Variants in PTCD3 observed in about 807,000 individuals in gnomAD.
PTCD3 encodes pentatricopeptide repeat domain 3, also known as small ribosomal subunit protein mS39.
Under a neutral mutation model 101.9 loss-of-function variants are expected in PTCD3, and 89 were observed. The observed-to-expected ratio is 0.87, with a 90% confidence interval of 0.74 to 1.04. PTCD3 has a LOEUF of 1.04. Ranked by LOEUF, PTCD3 falls within the 50% of genes least tolerant of loss-of-function variation. The pLI, the probability that PTCD3 is intolerant of heterozygous loss-of-function variation, is 0.00. For synonymous variants in PTCD3, 296 were observed against 278.5 expected (o/e 1.06, Z -0.63); for missense variants, 870 against 828.2 (o/e 1.05, Z -0.62).
chr2:86,120,788 G>A (rs145725104), intron 7 of PTCD3, among the ~76,000 whole-genome samples: 24 of 152,228 alleles, frequency 1.6e-4, no homozygotes, highest in East Asian at 1.2e-3. Flanking sequence ...ACAGCTGCTC[G>A]GAAGGCTGAG....
Position 86,125,678 on chromosome 2 carries a change from C to T in PTCD3, c.866-117C>T, listed in dbSNP as rs890766077. ...AGATCCAGAGAGGAGAGTAGTTTTC[C>T]AGTTTTGTGGACATGTGATTAGTCA... On this transcript the variant is annotated intron_variant, in intron 11 of 23. Coordinates refer to ENST00000254630, the MANE Select transcript of PTCD3 (RefSeq NM_017952.6). The T allele has an allele frequency of 1.6e-5, 17 of 1,054,874 alleles. No homozygotes were observed. In the Admixed American group the frequency reaches 3.7e-4, roughly 23 times the overall value. 65.3% of individuals were successfully genotyped at this position (1,054,874 alleles called of 1,614,324 possible). A position where few individuals can be genotyped will look rare whatever the true frequency, so the allele number is the denominator to read the frequency against.
intron 17 of PTCD3, 22 bp downstream of exon 17, chr2:86,132,446 C>G (rs776917840): frequency 2.7e-5 from 41 of 1,510,414 alleles, no homozygotes; most frequent in Non-Finnish European, 3.6e-5. Flanking sequence ...GGAAACATAT[C>G]CTTTTGCATG....
chr2:86,127,474 C>A, intron 13 of PTCD3, 169 bp downstream of exon 13: 1 of 695,048 alleles, frequency 1.4e-6, no homozygotes, highest in South Asian at 2.2e-5. Context: ...AGTGGGAGTG[C>A]CTTTATCATC....
intron 4 of PTCD3, among the ~76,000 whole-genome samples, chr2:86,114,564 G>A (rs1674147715): frequency 6.6e-6 from 1 of 152,196 alleles, no homozygotes; most frequent in South Asian, 2.1e-4. Flanking sequence ...GAATGGGAAA[G>A]CTTTCCACTT....
chr2:86,135,980 T>A (rs758884529), intron 21 of PTCD3: 3 of 519,218 alleles, frequency 5.8e-6, no homozygotes. Context: ...AGCACTTACA[T>A]GAGACTGTTG....
intron 4 of PTCD3, among the ~76,000 whole-genome samples, chr2:86,112,681 CAAA>C (rs397953846): frequency 2.5e-4 from 20 of 81,274 alleles, no homozygotes; most frequent in Admixed American, 4.0e-4. Context: ...GACTCTGTCT[CAAA>C]AAAAAAAAAA....
At chr2:86,109,453 A>G (rs971531496) in intron 3 of PTCD3, among the ~76,000 whole-genome samples, 1 of 152,164 alleles carries the variant, frequency 6.6e-6, no homozygotes, top group Non-Finnish European at 1.5e-5. Flanking sequence ...TTTTTTAAGA[A>G]CTTTATTAAT....
chr2:86,124,155 G>C (rs945758338), intron 9 of PTCD3, among the ~76,000 whole-genome samples: 4 of 152,228 alleles, frequency 2.6e-5, no homozygotes, highest in East Asian at 3.9e-4. Flanking sequence ...TAAGACCACT[G>C]ACAACATGTA....
At chr2:86,135,088 C>A (rs1319222865) in intron 21 of PTCD3, 101 bp downstream of exon 21, 2 of 1,332,316 alleles carry the variant, frequency 1.5e-6, no homozygotes, top group Non-Finnish European at 1.0e-6. Context: ...CCACATAACA[C>A]GTATTTGATT....
chr2:86,117,131 A>G lies in PTCD3; in HGVS notation c.386A>G (p.Gln129Arg). 1 of 1,379,216 alleles carries G rather than the reference A, an allele frequency of 7.3e-7. No homozygotes were observed. The highest frequency in any genetic ancestry group is 1.0e-6 in the Non-Finnish European group (1 of 966,186). 85.4% of individuals were successfully genotyped at this position (1,379,216 alleles called of 1,614,324 possible). The stretch of plus-strand genomic sequence containing the variant: ...ATTAATTCATACCCCAAATATTTTC[A>G]GAAGGACATAGCTGAACCTCATATA... Reference protein sequence around the residue: ...FIINSYPKYFQKDIAEPHIPC... With the variant: ...FIINSYPKYFRKDIAEPHIPC... Residue 129 changes from glutamine to arginine, a missense_variant, in exon 6 of 24, where the codon CAG (glutamine) becomes CGG (arginine). Coordinates refer to ENST00000254630, the MANE Select transcript of PTCD3 (RefSeq NM_017952.6).
chr2:86,106,724 C>G (rs980514634), intron 1 of PTCD3, among the ~76,000 whole-genome samples: 2 of 152,174 alleles, frequency 1.3e-5, no homozygotes, highest in South Asian at 4.1e-4. Context: ...CGTACAAGAT[C>G]TTCCCAAATA....
intron 14 of PTCD3, 124 bp from the exon 15 acceptor site, chr2:86,130,524 A>C (rs552565915): frequency 2.1e-6 from 3 of 1,436,714 alleles, no homozygotes; most frequent in Admixed American, 2.5e-5. Flanking sequence ...GCCTCCACCC[A>C]GATCTATGCG....
intron 1 of PTCD3, chr2:86,107,332 T>C (rs557929297): frequency 2.5e-6 from 1 of 407,920 alleles, no homozygotes; most frequent in African/African-American, 2.1e-5. Context: ...CTTGAAAGAG[T>C]TGATCTCAGA....
At chr2:86,128,261 G>T (rs1674433322) in intron 14 of PTCD3, among the ~76,000 whole-genome samples, 1 of 129,080 alleles carries the variant, frequency 7.7e-6, no homozygotes, top group Non-Finnish European at 1.7e-5. Flanking sequence ...ATGCCTAGCT[G>T]ATTTTTTTTT....
chr2:86,127,450 C>T, intron 13 of PTCD3, 145 bp downstream of exon 13: 1 of 929,166 alleles, frequency 1.1e-6, no homozygotes, highest in South Asian at 1.8e-5. Context: ...CATTTACTTA[C>T]ATGTACTTAT....
At chr2:86,136,634 C>T in intron 22 of PTCD3, 72 bp downstream of exon 22, 1 of 1,509,384 alleles carries the variant, frequency 6.6e-7, no homozygotes, top group Non-Finnish European at 9.2e-7. Context: ...CTTCACCAGC[C>T]TTAGCCACCA....
Position 86,141,728 on chromosome 2 carries a change from A to G in PTCD3, c.*4169A>G, listed in dbSNP as rs1674688718. 1 of 149,504 alleles carries G rather than the reference A, an allele frequency of 6.7e-6. No homozygotes were observed. Among genetic ancestry groups the G allele is most frequent in the Non-Finnish European group, 1.5e-5 (1 of 68,058 alleles). The allele number at this position is 149,504 out of a possible 1,614,324, so 9.3% of individuals were successfully genotyped here. On this transcript the variant is annotated 3_prime_UTR_variant, in exon 24 of 24. Coordinates refer to ENST00000254630, the MANE Select transcript of PTCD3 (RefSeq NM_017952.6). ...GTAAAACAGATTGAGGATGAAACCA[A>G]GACAGAAGTGATGATTTGGCTTTTT...
intron 20 of PTCD3, 127 bp downstream of exon 20, chr2:86,134,504 T>C: frequency 1.4e-6 from 1 of 735,960 alleles, no homozygotes; most frequent in South Asian, 1.8e-5. Flanking sequence ...TGATGATACA[T>C]CTAAACATAT....
intron 17 of PTCD3, chr2:86,132,955 T>C: frequency 1.7e-6 from 1 of 600,994 alleles, no homozygotes; most frequent in Admixed American, 3.5e-5. Flanking sequence ...CCTAAGAGTA[T>C]ACAGAGGAAA....
Sources: allele counts gnomAD v4.1 joint callset (sites outside exome capture counted in the v4.1 genomes callset), GRCh38; gene constraint gnomAD v4.1.1; transcripts MANE v1.5; gene names NCBI Gene and HGNC (gene_info 2026-07-23, HGNC 2026-07-21).